SLC16A2: variants seen among roughly 807,000 people sequenced by gnomAD.
SLC16A2 encodes the protein solute carrier family 16 member 2.
SLC16A2 carries 3 observed loss-of-function variants against 27.2 expected under a neutral mutation model. The observed-to-expected ratio is 0.11, with a 90% CI of 0.05 to 0.28. SLC16A2 has a LOEUF of 0.28. Ranked by LOEUF, SLC16A2 falls within the 10% of genes least tolerant of loss-of-function variation. SLC16A2 has a pLI of 1.00. For synonymous variants in SLC16A2, 202 were observed against 187.8 expected, an observed-to-expected ratio of 1.08 and a Z score of -0.62; for missense variants, 295 against 458.5, an observed-to-expected ratio of 0.64 and a Z score of 3.26.
intron 1 of SLC16A2, among the ~76,000 whole-genome samples, chrX:74,428,848 G>A (rs773556700): frequency 1.3e-4 from 15 of 111,820 alleles, no homozygotes; most frequent in East Asian, 2.8e-4. Flanking sequence ...AACAAATGTC[G>A]TCATTACTTG....
At chrX:74,458,286 T>C (rs1272777346) in intron 1 of SLC16A2, among the ~76,000 whole-genome samples, 1 of 112,234 alleles carries the variant, frequency 8.9e-6, no homozygotes, top group African/African-American at 3.2e-5. Context: ...CACAACCAAG[T>C]TAATTAACAC....
rs1278578440 is a variant in SLC16A2 at position 74,505,913 on chromosome X, T to C, written c.431-15077T>C. 8.9e-5 allele frequency among the ~76,000 whole-genome samples: 10 copies of C among 111,874 alleles called. No individual in the cohort carries two copies. In the East Asian group the frequency reaches 2.2e-3, roughly 25 times the overall value. ...CAAGGGTAGGAAGAGGCTCATCATT[T>C]TGGTACTTGTTTCTTGTTTTGGCTT... On this transcript the variant is annotated intron_variant, in intron 1 of 5. Transcript: ENST00000587091.
At chrX:74,499,717 G>A (rs1267248304) in intron 1 of SLC16A2, among the ~76,000 whole-genome samples, 5 of 111,723 alleles carry the variant, frequency 4.5e-5, no homozygotes, top group African/African-American at 1.3e-4. Context: ...GCCTCCCAAA[G>A]TGCTGGGATT....
At chrX:74,429,905 GA>G (rs1012773026) in intron 1 of SLC16A2, among the ~76,000 whole-genome samples, 1 of 111,629 alleles carries the variant, frequency 9.0e-6, no homozygotes, top group African/African-American at 3.3e-5. Context: ...CCAGGTAGAA[GA>G]ATAGAGATGA....
intron 4 of SLC16A2, among the ~76,000 whole-genome samples, chrX:74,526,942 T>A (rs768551843): frequency 1.8e-5 from 2 of 112,832 alleles, no homozygotes; most frequent in Admixed American, 1.9e-4. Context: ...CCTGCCAGTA[T>A]TAGCAGCTCC....
At chrX:74,503,443 C>T (rs899484424) in intron 1 of SLC16A2, among the ~76,000 whole-genome samples, 1 of 111,303 alleles carries the variant, frequency 9.0e-6, no homozygotes, top group African/African-American at 3.3e-5. Flanking sequence ...AGCTGTTTGC[C>T]TTCTTTGCAC....
intron 1 of SLC16A2, among the ~76,000 whole-genome samples, chrX:74,499,451 C>T (rs1358822802): frequency 9.3e-6 from 1 of 107,674 alleles, no homozygotes; most frequent in Non-Finnish European, 1.9e-5. Context: ...TTCTTTCTTT[C>T]TTTCTTTTTT....
At chrX:74,427,815 A>ACGCGCGCG in intron 1 of SLC16A2, among the ~76,000 whole-genome samples, 1 of 73,501 alleles carries the variant, frequency 1.4e-5, no homozygotes, top group South Asian at 7.9e-4. Context: ...GCGCGCGCAC[A>ACGCGCGCG]CACACACACA....
Position 74,529,356 on chromosome X carries a change from G to A in SLC16A2, c.1314G>A (p.Leu438=). 1 of 1,206,524 alleles carries A rather than the reference G, an allele frequency of 8.3e-7. No individual in the cohort carries two copies. Among genetic ancestry groups the A allele is most frequent in the Non-Finnish European group, 1.1e-6 (1 of 892,381 alleles). ...ITIMAPIAFE[L]VGPMQASQAI... ...TCATGGCCCCCATTGCATTTGAGCT[G>A]GTGGGCCCAATGCAGGCCTCACAGG... The change falls in exon 5 of 6, where the codon CTG becomes CTA. Residue 438 remains leucine (L), a synonymous_variant. Transcript: ENST00000587091.
chrX:74,507,265 A>AT (rs1259369404), intron 1 of SLC16A2, among the ~76,000 whole-genome samples: 1 of 110,600 alleles, frequency 9.0e-6, no homozygotes, highest in African/African-American at 3.3e-5. Flanking sequence ...CTCATCTGTG[A>AT]TTTTTTTTAT....
intron 1 of SLC16A2, among the ~76,000 whole-genome samples, chrX:74,431,538 T>A (rs2147837857): frequency 9.0e-6 from 1 of 111,569 alleles, no homozygotes; most frequent in Non-Finnish European, 1.9e-5. Flanking sequence ...ACTAGCTGGG[T>A]GACAGGATCA....
chrX:74,442,678 C>T (rs1484019243), intron 1 of SLC16A2, among the ~76,000 whole-genome samples: 1 of 112,328 alleles, frequency 8.9e-6, no homozygotes, highest in African/African-American at 3.2e-5. Context: ...CCAAGAGGTC[C>T]AGGCGCAGTG....
At chrX:74,511,024 T>C (rs1262752628) in intron 1 of SLC16A2, among the ~76,000 whole-genome samples, 1 of 110,559 alleles carries the variant, frequency 9.0e-6, no homozygotes, top group African/African-American at 3.3e-5. Flanking sequence ...TGAGCCATGA[T>C]TGTGCCACTG....
intron 1 of SLC16A2, among the ~76,000 whole-genome samples, chrX:74,490,489 T>G (rs1013976680): frequency 1.6e-4 from 18 of 111,288 alleles, no homozygotes; most frequent in Non-Finnish European, 5.7e-5. Flanking sequence ...CTCTTACTTA[T>G]CTCAGTTTTC....
At chrX:74,475,465 G>A (rs1292858159) in intron 1 of SLC16A2, among the ~76,000 whole-genome samples, 12 of 107,625 alleles carry the variant, frequency 1.1e-4, no homozygotes, top group Non-Finnish European at 2.3e-4. Context: ...CTTTTGCTGT[G>A]CAGAAGCTCT....
intron 1 of SLC16A2, among the ~76,000 whole-genome samples, chrX:74,457,521 G>C (rs1358250045): frequency 9.0e-6 from 1 of 111,500 alleles, no homozygotes; most frequent in Non-Finnish European, 1.9e-5. Flanking sequence ...GAGCTCCATT[G>C]ACCCTCTTGT....
chrX:74,451,896 A>T (rs1375686654), intron 1 of SLC16A2, among the ~76,000 whole-genome samples: 1 of 112,733 alleles, frequency 8.9e-6, no homozygotes. Flanking sequence ...GCCTGGACTT[A>T]AATATGTCAT....
chrX:74,474,774 T>C (rs776209540), intron 1 of SLC16A2, among the ~76,000 whole-genome samples: 2 of 110,463 alleles, frequency 1.8e-5, no homozygotes, highest in East Asian at 2.8e-4. Flanking sequence ...ATGATGGTTT[T>C]CAGCTTCATC....
At chrX:74,457,137 G>T (rs902780445) in intron 1 of SLC16A2, among the ~76,000 whole-genome samples, 2 of 111,371 alleles carry the variant, frequency 1.8e-5, no homozygotes, top group Admixed American at 9.6e-5. Flanking sequence ...TGATGTCCTG[G>T]CCCCACCCCA....
Sources: allele counts gnomAD v4.1 joint callset (sites outside exome capture counted in the v4.1 genomes callset), GRCh38; gene constraint gnomAD v4.1.1; transcripts MANE v1.5; gene names NCBI Gene and HGNC (gene_info 2026-07-23, HGNC 2026-07-21).